Variants in LRRC37A observed in about 807,000 individuals in gnomAD.
LRRC37A encodes the protein leucine-rich repeat-containing protein 37A.
LRRC37A carries 3 observed loss-of-function variants against 35.4 expected under a neutral mutation model. That is an observed-to-expected ratio of 0.08 (90% CI 0.04 to 0.22). The LOEUF is 0.22. Ranked by LOEUF, LRRC37A falls within the 10% of genes least tolerant of loss-of-function variation. The pLI, the probability that LRRC37A is intolerant of heterozygous loss-of-function variation, is 1.00. For synonymous variants in LRRC37A, 23 were observed against 215.0 expected, an observed-to-expected ratio of 0.11 and a Z score of 7.81; for missense variants, 67 against 565.3, an observed-to-expected ratio of 0.12 and a Z score of 8.94.
the LRRC37A span, among the ~76,000 whole-genome samples, chr17:46,273,233 G>A: frequency 1.3e-5 from 2 of 152,218 alleles, no homozygotes; most frequent in Admixed American, 6.5e-5. Context: ...TCTTGCATCA[G>A]CACAGTGCAT....
At chr17:46,334,421 TTTTCC>T (rs1379821699) in intron 10 of LRRC37A, among the ~76,000 whole-genome samples, 3 of 2,166 alleles carry the variant, frequency 1.4e-3, no homozygotes, top group African/African-American at 3.3e-3. Context: ...CCCTTTTCCT[TTTTCC>T]TTTCCTTTCC....
chr17:46,333,387 C>G lies in LRRC37A; in HGVS notation c.4809+731C>G. Among the ~76,000 whole-genome samples the G allele has an allele frequency of 4.3e-5, 2 of 46,248 alleles. 1 individual carries two copies. The allele number at this position is 46,248 out of a possible 152,430, so 30.3% of individuals were successfully genotyped here. ...ACATCTGGCTACTCTGGGACAAGTC[C>G]TGTTTACAGTGCCCATTCCTGGAGC... On this transcript the variant is annotated intron_variant, in intron 10 of 13. Transcript: ENST00000320254.
chr17:46,278,806 A>AT, the LRRC37A span, among the ~76,000 whole-genome samples: 65 of 150,776 alleles, frequency 4.3e-4, 1 homozygote, highest in Admixed American at 3.1e-3. Flanking sequence ...TTTTATTTTT[A>AT]TTTTTTTTGA....
At chr17:46,253,034 G>T in the LRRC37A span, among the ~76,000 whole-genome samples, 3 of 143,114 alleles carry the variant, frequency 2.1e-5, no homozygotes, top group Non-Finnish European at 4.6e-5. Context: ...TCTCAGACAG[G>T]GCGGTTGCCG....
the LRRC37A span, among the ~76,000 whole-genome samples, chr17:46,269,663 C>A: frequency 1.3e-5 from 2 of 152,240 alleles, no homozygotes; most frequent in Non-Finnish European, 2.9e-5. Context: ...TATTTTCATG[C>A]CTCCCTGCTC....
chr17:46,278,168 ACTC>A, the LRRC37A span, among the ~76,000 whole-genome samples: 1 of 151,620 alleles, frequency 6.6e-6, no homozygotes, highest in Non-Finnish European at 1.5e-5. Flanking sequence ...CTGGTCTCGA[ACTC>A]CTGACCTCAG....
At chr17:46,257,817 T>G in the LRRC37A span, among the ~76,000 whole-genome samples, 3 of 34,818 alleles carry the variant, frequency 8.6e-5, no homozygotes, top group Admixed American at 5.3e-4. Context: ...GTGAGGCCCA[T>G]GTCAAAAAAA....
At chr17:46,289,056 G>A (rs1013921918), upstream of LRRC37A, among the ~76,000 whole-genome samples, 8 of 152,100 alleles carry the variant, frequency 5.3e-5, no homozygotes, top group Admixed American at 3.3e-4. Flanking sequence ...CATCTCTTCT[G>A]CTATCCTGTA....
the LRRC37A span, among the ~76,000 whole-genome samples, chr17:46,284,349 C>A: frequency 3.3e-5 from 5 of 152,256 alleles, no homozygotes; most frequent in African/African-American, 1.2e-4. Context: ...AAGGAGCATG[C>A]TGCCTTCAAG....
At chr17:46,277,103 C>T in the LRRC37A span, among the ~76,000 whole-genome samples, 2 of 152,308 alleles carry the variant, frequency 1.3e-5, no homozygotes, top group South Asian at 2.1e-4. Context: ...CTGCACACAG[C>T]CTAATTTGTT....
chr17:46,283,828 A>C, the LRRC37A span, among the ~76,000 whole-genome samples: 2 of 152,246 alleles, frequency 1.3e-5, no homozygotes, highest in African/African-American at 4.8e-5. Context: ...GGGATGTGTC[A>C]GGGTCATAGG....
At chr17:46,285,343 C>T in the LRRC37A span, among the ~76,000 whole-genome samples, 5 of 151,228 alleles carry the variant, frequency 3.3e-5, no homozygotes, top group South Asian at 4.2e-4. Context: ...TGTGTTCAAG[C>T]GATTCTCCTG....
chr17:46,275,703 T>TA, the LRRC37A span, among the ~76,000 whole-genome samples: 3 of 152,202 alleles, frequency 2.0e-5, no homozygotes, highest in Non-Finnish European at 2.9e-5. Context: ...ACTGGACAAA[T>TA]AGAGACATTT....
chr17:46,271,522 T>C, the LRRC37A span, among the ~76,000 whole-genome samples: 4 of 151,992 alleles, frequency 2.6e-5, no homozygotes, highest in Admixed American at 1.3e-4. Flanking sequence ...AAAGCTGTAA[T>C]AACCATGTAA....
At chr17:46,267,543 C>A in the LRRC37A span, 2 of 1,612,792 alleles carry the variant, frequency 1.2e-6, no homozygotes, top group South Asian at 2.2e-5. Flanking sequence ...CTGAATGACG[C>A]TGCATATGTA....
chr17:46,275,225 G>A, the LRRC37A span: 1 of 364,688 alleles, frequency 2.7e-6, no homozygotes. Context: ...GGACAAAATT[G>A]GCCAATAATA....
At chr17:46,261,465 G>A in the LRRC37A span, among the ~76,000 whole-genome samples, 1 of 152,156 alleles carries the variant, frequency 6.6e-6, no homozygotes, top group African/African-American at 2.4e-5. Flanking sequence ...AGGCTGGAGT[G>A]CAATGGCACG....
chr17:46,256,283 G>A, the LRRC37A span, among the ~76,000 whole-genome samples: 2 of 152,158 alleles, frequency 1.3e-5, no homozygotes, highest in African/African-American at 4.8e-5. Context: ...TACTTGGGAG[G>A]CTGAGGTGGG....
Position 46,322,453 on chromosome 17 carries a change from CA to C in LRRC37A, c.2978+63del. On this transcript the variant is annotated intron_variant, in intron 6 of 13. Coordinates refer to ENST00000320254, the Ensembl canonical transcript of LRRC37A. Reference sequence around the variant, plus strand: ...GATTTATGCTTTTTAAATTTTTCATCAAAGCTTAAGTATTTTGCATTTAGGC... The same window carrying C: ...GATTTATGCTTTTTAAATTTTTCATCAAGCTTAAGTATTTTGCATTTAGGC... 4 of 563,902 alleles carry C rather than the reference CA, an allele frequency of 7.1e-6. 1 individual carries two copies. In the East Asian group the frequency reaches 1.2e-4, roughly 17 times the overall value. The allele number at this position is 563,902 out of a possible 1,614,324, so 34.9% of individuals were successfully genotyped here. A position where few individuals can be genotyped will look rare whatever the true frequency, so the allele number is the denominator to read the frequency against.
Sources: gnomAD v4.1 joint callset for allele counts (sites outside exome capture counted in the v4.1 genomes callset) on GRCh38, gnomAD v4.1.1 for gene constraint, MANE v1.5 for transcripts, NCBI Gene and HGNC (gene_info 2026-07-23, HGNC 2026-07-21) for gene names.